Variants in SLC35F4 observed in about 807,000 individuals in gnomAD.
The protein encoded by SLC35F4 is solute carrier family 35 member F4, also known as chromosome 14 open reading frame 36.
Under a neutral mutation model 44.2 loss-of-function variants are expected in SLC35F4, and 24 were observed. That is an observed-to-expected ratio of 0.54 (90% confidence interval 0.39 to 0.76). The LOEUF is 0.76. SLC35F4 is among the 30% of genes least tolerant of loss of function. The pLI is 0.00. For synonymous variants in SLC35F4, 238 were observed against 223.6 expected (o/e 1.06, Z -0.57); for missense variants, 562 against 586.1 (o/e 0.96, Z 0.42).
intron 1 of SLC35F4, among the ~76,000 whole-genome samples, chr14:57,884,705 G>A (rs1403283611): frequency 6.6e-6 from 1 of 151,952 alleles, no homozygotes; most frequent in Non-Finnish European, 1.5e-5. Flanking sequence ...ATACAGAGAT[G>A]GTATTATGAA....
chr14:57,803,649 G>A (rs1025504890), intron 1 of SLC35F4, among the ~76,000 whole-genome samples: 2 of 143,000 alleles, frequency 1.4e-5, no homozygotes, highest in Admixed American at 7.4e-5. Context: ...GGGTACGAAG[G>A]CACGATCATG....
chr14:57,634,802 G>A (rs915941305), intron 1 of SLC35F4, among the ~76,000 whole-genome samples: 5 of 152,120 alleles, frequency 3.3e-5, no homozygotes, highest in African/African-American at 1.2e-4. Flanking sequence ...GAGAGTTCAG[G>A]TGAAAGGTGA....
intron 1 of SLC35F4, among the ~76,000 whole-genome samples, chr14:57,680,280 T>C (rs1210851750): frequency 3.3e-5 from 5 of 152,076 alleles, no homozygotes; most frequent in Non-Finnish European, 7.3e-5. Flanking sequence ...AACCACATGA[T>C]TATCTCAACA....
chr14:57,847,537 C>T (rs1485631553), intron 1 of SLC35F4, among the ~76,000 whole-genome samples: 2 of 152,036 alleles, frequency 1.3e-5, no homozygotes, highest in Non-Finnish European at 1.5e-5. Flanking sequence ...TCATTATAAA[C>T]AAAGGTAAAA....
At chr14:57,720,979 C>CATATATATATATATATAT (rs3062932) in intron 1 of SLC35F4, among the ~76,000 whole-genome samples, 3 of 49,808 alleles carry the variant, frequency 6.0e-5, no homozygotes, top group Non-Finnish European at 1.2e-4. Context: ...ATAAACTCCT[C>CATATATATATATATATAT]ATATATATAT....
chr14:57,982,861 C>T (rs1460852866), upstream of SLC35F4, among the ~76,000 whole-genome samples: 4 of 152,128 alleles, frequency 2.6e-5, no homozygotes, highest in Admixed American at 6.6e-5. Context: ...ATTACATGGG[C>T]CTCACCCGCA....
chr14:57,958,268 T>A (rs1477729026), intron 1 of SLC35F4, among the ~76,000 whole-genome samples: 1 of 152,002 alleles, frequency 6.6e-6, no homozygotes, highest in African/African-American at 2.4e-5. Flanking sequence ...CCATGTTAGC[T>A]GGGATGGTCT....
upstream of SLC35F4, among the ~76,000 whole-genome samples, chr14:57,867,602 A>AC (rs11372858): frequency 0.47 from 69,536 of 147,864 alleles, 16,178 homozygotes; most frequent in South Asian, 0.49. Flanking sequence ...ATGCCTTTAC[A>AC]CCCCCCCCCA....
At chr14:57,737,742 C>T (rs571679474) in intron 1 of SLC35F4, among the ~76,000 whole-genome samples, 2 of 152,268 alleles carry the variant, frequency 1.3e-5, no homozygotes, top group African/African-American at 2.4e-5. Flanking sequence ...AGTGATGAAA[C>T]GCTAACAGCT....
intron 1 of SLC35F4, among the ~76,000 whole-genome samples, chr14:57,752,458 TTTC>T (rs1172535189): frequency 2.6e-5 from 4 of 151,022 alleles, no homozygotes; most frequent in African/African-American, 9.7e-5. Flanking sequence ...GGTTTTTTTT[TTTC>T]TTTTTTTTCT....
chr14:57,952,248 C>CA (rs1209195352), intron 1 of SLC35F4, among the ~76,000 whole-genome samples: 1 of 152,072 alleles, frequency 6.6e-6, no homozygotes, highest in Non-Finnish European at 1.5e-5. Flanking sequence ...TCAACATCAA[C>CA]AAAAAGGATG....
chr14:57,732,709 C>A (rs2076372207), intron 1 of SLC35F4, among the ~76,000 whole-genome samples: 1 of 152,054 alleles, frequency 6.6e-6, no homozygotes, highest in Non-Finnish European at 1.5e-5. Context: ...CAGAGCTAAA[C>A]TGAGTTATGG....
chr14:57,916,052 TAAAGA>T (rs1889322983), intron 1 of SLC35F4, among the ~76,000 whole-genome samples: 1 of 152,146 alleles, frequency 6.6e-6, no homozygotes. Context: ...GGGTAATTTA[TAAAGA>T]AAAGAAATTT....
intron 1 of SLC35F4, among the ~76,000 whole-genome samples, chr14:57,635,747 T>C (rs1044627962): frequency 6.6e-6 from 1 of 152,166 alleles, no homozygotes; most frequent in African/African-American, 2.4e-5. Flanking sequence ...GAAATTATTT[T>C]CCAGGAATTA....
intron 2 of SLC35F4, 126 bp downstream of exon 2, chr14:57,593,812 TA>T: frequency 9.8e-7 from 1 of 1,023,376 alleles, no homozygotes; most frequent in Non-Finnish European, 1.4e-6. Context: ...TCCGGCTTGA[TA>T]AAGCTTCCCC....
upstream of SLC35F4, among the ~76,000 whole-genome samples, chr14:57,870,124 C>CTGTGTGTGTGTGTGTGTGTGTG (rs34282878): frequency 6.8e-6 from 1 of 146,080 alleles, no homozygotes; most frequent in African/African-American, 2.5e-5. Context: ...TGTCTATGAT[C>CTGTGTGTGTGTGTGTGTGTGTG]TGTGTGTGTG....
chr14:57,980,954 T>A (rs937550730), intron 1 of SLC35F4, among the ~76,000 whole-genome samples: 1 of 152,100 alleles, frequency 6.6e-6, no homozygotes, highest in African/African-American at 2.4e-5. Context: ...GCCTAGAGTG[T>A]TGTCAACAAC....
intron 1 of SLC35F4, among the ~76,000 whole-genome samples, chr14:57,924,956 A>G (rs563891546): frequency 4.0e-5 from 6 of 151,828 alleles, no homozygotes; most frequent in East Asian, 1.9e-4. Flanking sequence ...AGGTATCACT[A>G]TGTTGCCCCG....
intron 1 of SLC35F4, chr14:57,630,168 C>G: frequency 1.8e-6 from 1 of 559,784 alleles, no homozygotes; most frequent in Middle Eastern, 5.9e-4. Context: ...CTAGGGGGAT[C>G]AGAAGACACT....
Sources: allele counts gnomAD v4.1 joint callset (sites outside exome capture counted in the v4.1 genomes callset), GRCh38; gene constraint gnomAD v4.1.1; transcripts MANE v1.5; gene names NCBI Gene and HGNC (gene_info 2026-07-23, HGNC 2026-07-21).